The following PTPRG variants were observed in gnomAD, a reference collection of about 807,000 sequenced individuals.
PTPRG encodes protein tyrosine phosphatase receptor type G, also known as receptor-type tyrosine-protein phosphatase gamma.
In PTPRG, 102 loss-of-function variants were observed where a neutral mutation model predicts 165.3. That is an observed-to-expected ratio of 0.62 (90% CI 0.53 to 0.73). PTPRG has a LOEUF of 0.73. PTPRG is among the 30% of genes least tolerant of loss of function. The pLI is 0.00. For synonymous variants in PTPRG, 675 were observed against 669.5 expected (o/e 1.01, Z -0.13); for missense variants, 1,866 against 1,861.4 (o/e 1.00, Z -0.05).
intron 5 of PTPRG, among the ~76,000 whole-genome samples, chr3:62,081,289 C>A (rs1310944376): frequency 1.4e-4 from 20 of 144,724 alleles, no homozygotes; most frequent in African/African-American, 3.9e-4. Context: ...AACAAACAAA[C>A]AAACAAAAAC....
chr3:62,287,877 C>T (rs2148898613), intron 28 of PTPRG, among the ~76,000 whole-genome samples: 1 of 152,182 alleles, frequency 6.6e-6, no homozygotes, highest in South Asian at 2.1e-4. Flanking sequence ...AATGGAATTT[C>T]AATACATTCC....
chr3:62,241,456 G>A (rs1701159289), intron 14 of PTPRG, among the ~76,000 whole-genome samples: 1 of 152,132 alleles, frequency 6.6e-6, no homozygotes, highest in Non-Finnish European at 1.5e-5. Flanking sequence ...ATCCCCAGTC[G>A]TGTGCTTTTC....
At chr3:61,805,946 T>C (rs1247094480) in intron 2 of PTPRG, among the ~76,000 whole-genome samples, 2 of 152,216 alleles carry the variant, frequency 1.3e-5, no homozygotes, top group East Asian at 1.9e-4. Context: ...CTGTGTTTTC[T>C]ATTAAGCTCT....
chr3:62,287,534 C>G (rs928173115), intron 28 of PTPRG, among the ~76,000 whole-genome samples: 9 of 151,986 alleles, frequency 5.9e-5, no homozygotes, highest in African/African-American at 2.2e-4. Flanking sequence ...AGATAGGATA[C>G]TAGTGGAGTG....
intron 4 of PTPRG, among the ~76,000 whole-genome samples, chr3:62,036,727 T>G (rs1208640634): frequency 6.6e-6 from 1 of 152,116 alleles, no homozygotes; most frequent in Non-Finnish European, 1.5e-5. Context: ...AAGGAAGCAG[T>G]GTAAATAAAC....
chr3:61,600,186 A>ATGTGTGTGTGTGTGTGTGTG (rs1189934671), intron 1 of PTPRG, among the ~76,000 whole-genome samples: 52 of 116,034 alleles, frequency 4.5e-4, no homozygotes, highest in African/African-American at 9.1e-4. Flanking sequence ...ATATATATAT[A>ATGTGTGTGTGTGTGTGTGTG]TATATATGTG....
chr3:62,116,521 T>C (rs966704671), intron 5 of PTPRG, among the ~76,000 whole-genome samples: 2 of 152,092 alleles, frequency 1.3e-5, no homozygotes, highest in Admixed American at 1.3e-4. Flanking sequence ...TGGACAAACA[T>C]GGGTGAATCT....
In PTPRG at chr3:62,157,150, T is replaced by C; in HGVS notation, c.766T>C (p.Leu256=). 6.2e-7 allele frequency: 1 copy of C among 1,613,998 alleles called. No individual in the cohort carries two copies. Among genetic ancestry groups the C allele is most frequent in the Non-Finnish European group, 8.5e-7 (1 of 1,179,890 alleles). ...LGSYYRYTGS[L]TTPPCSEIVE... ...CAGCTATTATCGGTACACAGGTTCC[T>C]TGACCACACCACCGTGTAGCGAAAT... The change falls in exon 7 of 30, where the codon TTG becomes CTG. Residue 256 remains leucine (L), a synonymous_variant. Transcript: ENST00000474889.
chr3:61,818,663 T>C (rs1374237412), intron 2 of PTPRG, among the ~76,000 whole-genome samples: 1 of 151,196 alleles, frequency 6.6e-6, no homozygotes, highest in African/African-American at 2.4e-5. Context: ...GAAGACCCTG[T>C]CTCCAAACAG....
At chr3:61,998,438 C>A (rs577886671) in intron 3 of PTPRG, among the ~76,000 whole-genome samples, 3 of 152,280 alleles carry the variant, frequency 2.0e-5, no homozygotes, top group Admixed American at 1.3e-4. Context: ...CCTTGTGAAC[C>A]CCTTAACAAA....
Position 62,020,275 on chromosome 3 carries a change from C to T in PTPRG, c.519+16778C>T, listed in dbSNP as rs531188447. Among the ~76,000 whole-genome samples the T allele has an allele frequency of 1.3e-4, 20 of 152,238 alleles. No homozygotes were observed. In the East Asian group the frequency reaches 1.9e-3, roughly 15 times the overall value. On this transcript the variant is annotated intron_variant, in intron 4 of 29. Coordinates refer to ENST00000474889, the MANE Select transcript of PTPRG (RefSeq NM_002841.4). ...ATCTAATTTTCCTACTTGTACCTTG[C>T]TGCATTCTACAGATTTTTCACAATT... is the stretch of plus-strand genomic sequence containing the variant.
At chr3:61,777,395 T>C (rs2034419150) in intron 2 of PTPRG, among the ~76,000 whole-genome samples, 1 of 152,208 alleles carries the variant, frequency 6.6e-6, no homozygotes, top group Admixed American at 6.5e-5. Context: ...AGAAATAAGC[T>C]TTCAATCTTG....
At chr3:61,705,371 C>G (rs895024676) in intron 1 of PTPRG, among the ~76,000 whole-genome samples, 2 of 152,074 alleles carry the variant, frequency 1.3e-5, no homozygotes, top group Non-Finnish European at 1.5e-5. Flanking sequence ...TCTGATTCTT[C>G]TTTTATTCTC....
intron 4 of PTPRG, among the ~76,000 whole-genome samples, chr3:62,068,254 G>A (rs1349220077): frequency 6.6e-6 from 1 of 152,108 alleles, no homozygotes; most frequent in African/African-American, 2.4e-5. Flanking sequence ...TTATGCTTGA[G>A]GCTGCCTCAG....
chr3:62,107,497 G>T (rs1702513539), intron 5 of PTPRG, among the ~76,000 whole-genome samples: 2 of 152,202 alleles, frequency 1.3e-5, no homozygotes, highest in Non-Finnish European at 2.9e-5. Flanking sequence ...CTAACTTGAA[G>T]ACATGTTTAT....
chr3:61,758,726 G>T (rs561102629), intron 2 of PTPRG, among the ~76,000 whole-genome samples: 1 of 151,874 alleles, frequency 6.6e-6, no homozygotes, highest in Non-Finnish European at 1.5e-5. Context: ...GTGCCACCAC[G>T]CTCGGCTTCA....
intron 8 of PTPRG, among the ~76,000 whole-genome samples, chr3:62,187,999 C>T (rs1475059723): frequency 6.6e-6 from 1 of 152,114 alleles, no homozygotes; most frequent in African/African-American, 2.4e-5. Context: ...AGATTCTGTA[C>T]CATCATTCAA....
chr3:62,191,708 G>A, intron 9 of PTPRG, 55 bp downstream of exon 9: 1 of 1,527,948 alleles, frequency 6.5e-7, no homozygotes, highest in Non-Finnish European at 9.0e-7. Flanking sequence ...GACTCCTGCT[G>A]CAGCTCTCTG....
At chr3:61,779,956 C>T (rs929912924) in intron 2 of PTPRG, among the ~76,000 whole-genome samples, 2 of 152,064 alleles carry the variant, frequency 1.3e-5, no homozygotes. Context: ...TTATCTTGTT[C>T]CCTACTCCTC....
Sources: gnomAD v4.1 joint callset for allele counts (sites outside exome capture counted in the v4.1 genomes callset) on GRCh38, gnomAD v4.1.1 for gene constraint, MANE v1.5 for transcripts, NCBI Gene and HGNC (gene_info 2026-07-23, HGNC 2026-07-21) for gene names.